Variants in DBNDD1 observed in about 807,000 individuals in gnomAD.
The protein encoded by DBNDD1 is dysbindin domain containing 1, also known as dysbindin domain-containing protein 1.
A neutral mutation model predicts 17.0 loss-of-function variants in DBNDD1; 14 were observed. The observed-to-expected ratio is 0.82, with a 90% CI of 0.54 to 1.29. DBNDD1 has a LOEUF of 1.29. Ranked by LOEUF, DBNDD1 falls within the 50% of genes most tolerant of loss-of-function variation. The probability of loss-of-function intolerance (pLI) is 0.00; values close to 1 mark genes in which losing one functional copy is unlikely to be tolerated. For synonymous variants in DBNDD1, 105 were observed against 102.0 expected (o/e 1.03, Z -0.18); for missense variants, 221 against 216.2 (o/e 1.02, Z -0.14).
intron 1 of DBNDD1, among the ~76,000 whole-genome samples, chr16:90,012,189 G>C (rs1024942324): frequency 3.9e-5 from 6 of 152,242 alleles, no homozygotes; most frequent in Admixed American, 2.0e-4. Flanking sequence ...AGCAGGCGCT[G>C]TCCCTCTGGC....
At chr16:90,018,487 C>G (rs79277195) in intron 1 of DBNDD1, among the ~76,000 whole-genome samples, 8,121 of 152,310 alleles carry the variant, frequency 0.053, 309 homozygotes, top group East Asian at 0.16. Flanking sequence ...TGCTGGCTCC[C>G]TGGAATGGGA....
At chr16:90,014,992 G>A (rs1187471606) in intron 1 of DBNDD1, among the ~76,000 whole-genome samples, 2 of 146,420 alleles carry the variant, frequency 1.4e-5, no homozygotes, top group South Asian at 2.2e-4. Context: ...GCGACAGAAC[G>A]AGACTCTTGT....
intron 2 of DBNDD1, 70 bp downstream of exon 2, chr16:90,009,214 C>T: frequency 6.3e-7 from 1 of 1,593,208 alleles, no homozygotes; most frequent in Non-Finnish European, 8.5e-7. Flanking sequence ...GAGGTGGACC[C>T]TGCTGCCTTG....
intron 1 of DBNDD1, among the ~76,000 whole-genome samples, chr16:90,012,360 C>T (rs1207831189): frequency 6.6e-6 from 1 of 152,186 alleles, no homozygotes; most frequent in Non-Finnish European, 1.5e-5. Context: ...ACTCCATGGA[C>T]ACCCTTACCC....
chr16:90,019,807 C>A, upstream of DBNDD1: 2 of 688,844 alleles, frequency 2.9e-6, no homozygotes, highest in African/African-American at 1.8e-5. The surrounding 1 kb of genome is among the most constrained non-coding windows in gnomAD (Gnocchi z 6.1). Context: ...GCGGGCGCCC[C>A]TCGGGGCTGG....
chr16:90,006,521 T>A, intron 3 of DBNDD1, 29 bp from the exon 4 acceptor site: 1 of 1,590,564 alleles, frequency 6.3e-7, no homozygotes, highest in East Asian at 2.2e-5. Flanking sequence ...GGGAACTCGG[T>A]GTGGCTGAGA....
intron 1 of DBNDD1, chr16:90,009,816 C>T: frequency 1.2e-6 from 1 of 840,626 alleles, no homozygotes; most frequent in Non-Finnish European, 1.9e-6. Flanking sequence ...GAAGGATCGC[C>T]CATGGATTTC....
Position 90,014,178 on chromosome 16 carries a change from G to C in DBNDD1, c.32-4748C>G, listed in dbSNP as rs538835030. Among the ~76,000 whole-genome samples, 315 of 151,760 alleles carry C rather than the reference G, an allele frequency of 2.1e-3. 4 individuals are homozygous for C. The highest frequency in any genetic ancestry group is 7.4e-3 in the African/African-American group (305 of 41,376). On this transcript the variant is annotated intron_variant, in intron 1 of 3. Coordinates refer to ENST00000002501, the MANE Select transcript of DBNDD1 (RefSeq NM_001042610.3). ...AGTCTCGCTCTGTCACCAGGCTGGAGGGCAATGGCGCGATCTCTGCTCACT... is the reference window on the plus strand; with the variant it reads ...AGTCTCGCTCTGTCACCAGGCTGGACGGCAATGGCGCGATCTCTGCTCACT...
At chr16:90,019,567 GC>G (rs949775930), upstream of DBNDD1, 1 of 185,388 alleles carries the variant, frequency 5.4e-6, no homozygotes, top group African/African-American at 2.4e-5. The surrounding 1 kb of genome is among the most constrained non-coding windows in gnomAD (Gnocchi z 6.1). Context: ...GACAGGTGCG[GC>G]CCCGCCCCGG....
At chr16:90,019,759 T>C (rs1271801980), upstream of DBNDD1, 7 of 680,630 alleles carry the variant, frequency 1.0e-5, no homozygotes, top group Admixed American at 2.2e-5. The surrounding 1 kb of genome is among the most constrained non-coding windows in gnomAD (Gnocchi z 6.1). Context: ...GTCCTCTTGT[T>C]CTCTTCCAGG....
chr16:90,017,485 A>G (rs1029519617), intron 1 of DBNDD1, among the ~76,000 whole-genome samples: 82 of 131,548 alleles, frequency 6.2e-4, no homozygotes, highest in African/African-American at 2.0e-3. Flanking sequence ...ACAGAGCGAG[A>G]CTCCGTCTCA....
chr16:90,016,399 C>T (rs187754548), intron 1 of DBNDD1, among the ~76,000 whole-genome samples: 14 of 152,318 alleles, frequency 9.2e-5, no homozygotes, highest in South Asian at 2.1e-4. Context: ...ACCAGAGGCT[C>T]AATGCCAGGC....
Position 90,019,388 on chromosome 16 carries a change from T to C in DBNDD1, c.-47A>G. ...GGGCACGGGCGACGGCGGCGTCGCC[T>C]GGCCCGGGCGCCCCAACAGCTGCGG... On this transcript the variant is annotated 5_prime_UTR_variant, in exon 1 of 4. Coordinates refer to ENST00000002501, the MANE Select transcript of DBNDD1 (RefSeq NM_001042610.3). The surrounding 1 kb of genome is among the most constrained non-coding windows in gnomAD (Gnocchi z 6.1). The C allele has an allele frequency of 1.7e-6, 2 of 1,175,928 alleles. No individual in the cohort carries two copies. The highest frequency in any genetic ancestry group is 1.1e-6 in the Non-Finnish European group (1 of 947,666). The allele number at this position is 1,175,928 out of a possible 1,614,324, so 72.8% of individuals were successfully genotyped here.
chr16:90,009,669 CTG>C lies in DBNDD1; in HGVS notation c.32-241_32-240del, dbSNP rs1394831197. The C allele has an allele frequency of 2.6e-5, 17 of 645,772 alleles. No homozygotes were observed. In the African/African-American group the frequency reaches 2.9e-4, roughly 11 times the overall value. The allele number at this position is 645,772 out of a possible 1,614,324, so 40.0% of individuals were successfully genotyped here. On this transcript the variant is annotated intron_variant, in intron 1 of 3. Transcript: ENST00000002501. Reference sequence around the variant, plus strand: ...TGGCCTCCCCTAGTGAACAAGGAATCTGAGATCCAGATCACCTTTGGTACGCA... The same window carrying C: ...TGGCCTCCCCTAGTGAACAAGGAATCAGATCCAGATCACCTTTGGTACGCA...
chr16:90,012,158 G>T (rs1342970714), intron 1 of DBNDD1, among the ~76,000 whole-genome samples: 1 of 152,248 alleles, frequency 6.6e-6, no homozygotes. Context: ...AGGGGCCTCA[G>T]ACCTGCCAGG....
intron 1 of DBNDD1, 29 bp from the exon 2 acceptor site, chr16:90,009,459 A>G (rs1228732125): frequency 1.9e-6 from 3 of 1,605,150 alleles, no homozygotes; most frequent in African/African-American, 2.7e-5. Flanking sequence ...TGTCACCTTG[A>G]GATCCACAGG....
Position 90,019,197 on chromosome 16 carries a change from A to C in DBNDD1, c.31+114T>G. On this transcript the variant is annotated intron_variant, in intron 1 of 3. Coordinates refer to ENST00000002501, the MANE Select transcript of DBNDD1 (RefSeq NM_001042610.3). The surrounding 1 kb of genome is among the most constrained non-coding windows in gnomAD (Gnocchi z 6.1). The stretch of plus-strand genomic sequence containing the variant: ...GCCCGCCGGACGACCCCGAGCTGCC[A>C]AAGGGGTCTTCGCGACTCCCGGGAG... 2.2e-6 allele frequency: 1 copy of C among 463,070 alleles called. No homozygotes were observed. Among genetic ancestry groups the C allele is most frequent in the Non-Finnish European group, 3.3e-6 (1 of 298,538 alleles). The allele number at this position is 463,070 out of a possible 1,614,324, so 28.7% of individuals were successfully genotyped here. A position where few individuals can be genotyped will look rare whatever the true frequency, so the allele number is the denominator to read the frequency against.
At position 90,008,932 on chromosome 16, in the gene DBNDD1, C is replaced by A; in HGVS notation, c.179-8G>T. 6.5e-7 allele frequency: 1 copy of A among 1,548,706 alleles called. No homozygotes were observed. Among genetic ancestry groups the A allele is most frequent in the Non-Finnish European group, 8.8e-7 (1 of 1,140,946 alleles). On this transcript the variant is annotated splice_region_variant and splice_polypyrimidine_tract_variant and intron_variant, in intron 2 of 3. Coordinates refer to ENST00000002501, the MANE Select transcript of DBNDD1 (RefSeq NM_001042610.3). ...AGACGCTGCTCAGAGGCTCTGAGGG[C>A]AGAGGGGGTACAGTCAGCCCTCAGG...
intron 1 of DBNDD1, among the ~76,000 whole-genome samples, chr16:90,014,440 A>G (rs1200709278): frequency 6.6e-6 from 1 of 152,014 alleles, no homozygotes; most frequent in Non-Finnish European, 1.5e-5. Context: ...CTGCATTTTT[A>G]CGACGAGGCC....
Sources: allele counts gnomAD v4.1 joint callset (sites outside exome capture counted in the v4.1 genomes callset), GRCh38; gene constraint gnomAD v4.1.1; non-coding constraint Gnocchi (gnomAD v3.1); transcripts MANE v1.5; gene names NCBI Gene and HGNC (gene_info 2026-07-23, HGNC 2026-07-21).